FILIP1: variants seen among roughly 807,000 people sequenced by gnomAD.
The protein encoded by FILIP1 is filamin A interacting protein 1, also known as filamin-A-interacting protein 1.
Under a neutral mutation model 102.1 loss-of-function variants are expected in FILIP1, and 61 were observed. The observed-to-expected ratio is 0.60, with a 90% CI of 0.49 to 0.74. The LOEUF is 0.74. Ranked by LOEUF, FILIP1 falls within the 30% of genes least tolerant of loss-of-function variation. The pLI is 0.00. For missense variants in FILIP1, 1,314 were observed against 1,441.2 expected (o/e 0.91, Z 1.43); for synonymous variants, 491 against 526.9 (o/e 0.93, Z 0.93).
chr6:75,320,419 A>C (rs1773611008), intron 4 of FILIP1, among the ~76,000 whole-genome samples: 1 of 151,976 alleles, frequency 6.6e-6, no homozygotes, highest in Admixed American at 6.6e-5. Context: ...CAAAGCAAAA[A>C]AACAAAAATT....
At chr6:75,381,211 G>T (rs1775895793) in intron 2 of FILIP1, among the ~76,000 whole-genome samples, 1 of 151,658 alleles carries the variant, frequency 6.6e-6, no homozygotes, top group Non-Finnish European at 1.5e-5. Context: ...TATCAGACTG[G>T]TTTTACTTTG....
intron 2 of FILIP1, among the ~76,000 whole-genome samples, chr6:75,411,159 G>A (rs1777054605): frequency 6.6e-6 from 1 of 152,142 alleles, no homozygotes; most frequent in African/African-American, 2.4e-5. Flanking sequence ...ATTTGCATTT[G>A]TCAAATGACC....
Position 75,314,330 on chromosome 6 carries a change from A to C in FILIP1, c.1502T>G (p.Leu501Trp). 3 of 1,520,760 alleles carry C rather than the reference A, an allele frequency of 2.0e-6. No homozygotes were observed. Among genetic ancestry groups the C allele is most frequent in the Non-Finnish European group, 2.6e-6 (3 of 1,144,218 alleles). 94.2% of individuals were successfully genotyped at this position (1,520,760 alleles called of 1,614,324 possible). ...ELSLKDDLTK[L>W]KSFTVMLVDE... is the part of the protein sequence containing the mutation. ...AACCAGCATCACGGTAAATGACTTC[A>C]ACTTGGTAAGATCATCTTTTAGGCT... is the stretch of plus-strand genomic sequence containing the variant. The change falls in exon 5 of 6, where the codon TTG (leucine) becomes TGG (tryptophan). Residue 501 changes from leucine to tryptophan, a missense_variant. Transcript: ENST00000237172.
At chr6:75,342,332 A>G (rs566598534) in intron 4 of FILIP1, among the ~76,000 whole-genome samples, 16 of 152,256 alleles carry the variant, frequency 1.1e-4, no homozygotes, top group Non-Finnish European at 2.1e-4. Context: ...GAAATGCCTC[A>G]ATACTGCATT....
At chr6:75,456,283 A>G (rs1177517097) in intron 1 of FILIP1, among the ~76,000 whole-genome samples, 2 of 152,222 alleles carry the variant, frequency 1.3e-5, no homozygotes, top group Non-Finnish European at 2.9e-5. Flanking sequence ...CACCCCAACA[A>G]CAAAGATTTA....
Position 75,313,527 on chromosome 6 carries a change from C to A in FILIP1, c.2305G>T (p.Val769Phe). ...TCCAACTCTTTGGTCAGATTGAGAA[C>A]CTCCTGCCCCATGTTTTTGTTCTTA... ...ENKNKNMGQE[V>F]LNLTKELELS... The change falls in exon 5 of 6, where the codon GTT becomes TTT. Residue 769 changes from valine (V) to phenylalanine (F), a missense_variant. Coordinates refer to ENST00000237172, the MANE Select transcript of FILIP1 (RefSeq NM_015687.5). The surrounding 1 kb of genome is among the most constrained non-coding windows in gnomAD (Gnocchi z 4.2). 1.2e-6 allele frequency: 2 copies of A among 1,614,216 alleles called. No individual in the cohort carries two copies. Among genetic ancestry groups the A allele is most frequent in the Middle Eastern group, 1.7e-4 (1 of 6,060 alleles).
chr6:75,462,529 G>C (rs966225946), intron 1 of FILIP1, among the ~76,000 whole-genome samples: 4 of 151,898 alleles, frequency 2.6e-5, no homozygotes, highest in African/African-American at 9.7e-5. Context: ...AAAAATAATT[G>C]CAAATAAGGT....
At chr6:75,315,399 G>A (rs757888492) in intron 4 of FILIP1, among the ~76,000 whole-genome samples, 197 bp from the exon 5 acceptor site, 7 of 152,156 alleles carry the variant, frequency 4.6e-5, no homozygotes, top group Non-Finnish European at 8.8e-5. Flanking sequence ...TGGCTAGAAG[G>A]GGGCATGAGG....
intron 2 of FILIP1, among the ~76,000 whole-genome samples, chr6:75,402,154 C>G (rs888533375): frequency 6.6e-6 from 1 of 152,088 alleles, no homozygotes; most frequent in Non-Finnish European, 1.5e-5. Flanking sequence ...AACACCAATG[C>G]GGACATTATT....
intron 4 of FILIP1, among the ~76,000 whole-genome samples, chr6:75,350,027 GGCAA>G (rs1316522812): frequency 1.3e-5 from 2 of 152,016 alleles, no homozygotes; most frequent in Non-Finnish European, 2.9e-5. Flanking sequence ...CCGGGAACTC[GGCAA>G]GCAAGTCACG....
intron 1 of FILIP1, among the ~76,000 whole-genome samples, chr6:75,464,611 C>A (rs1779112572): frequency 6.6e-6 from 1 of 152,192 alleles, no homozygotes. Flanking sequence ...TGTACAAAGA[C>A]TTTGGTTCAT....
Position 75,359,610 on chromosome 6 carries a change from G to C in FILIP1, c.450+3134C>G, listed in dbSNP as rs575319899. Among the ~76,000 whole-genome samples, 386 of 152,310 alleles carry C rather than the reference G, an allele frequency of 2.5e-3. 11 individuals carry two copies. Among genetic ancestry groups the C allele is most frequent in the Non-Finnish European group, 5.0e-4 (34 of 68,024 alleles). On this transcript the variant is annotated intron_variant, in intron 3 of 5. Transcript: ENST00000237172. ...GGAAGGCAATATTAGAAAAACAAAT[G>C]TCTGGGAGCACTTGAAGAAAATGAC...
intron 1 of FILIP1, among the ~76,000 whole-genome samples, chr6:75,440,153 A>C (rs187246456): frequency 3.9e-5 from 6 of 152,350 alleles, no homozygotes; most frequent in Admixed American, 6.5e-5. Context: ...CTTCATTTTG[A>C]AAATCCATCA....
chr6:75,463,788 C>T (rs1392557987), intron 1 of FILIP1, among the ~76,000 whole-genome samples: 1 of 152,140 alleles, frequency 6.6e-6, no homozygotes, highest in African/African-American at 2.4e-5. Context: ...AGCTCAGAGT[C>T]AGTGAACTTT....
chr6:75,463,503 C>G (rs1033794976), intron 1 of FILIP1, among the ~76,000 whole-genome samples: 7 of 152,148 alleles, frequency 4.6e-5, no homozygotes, highest in Non-Finnish European at 4.4e-5. Context: ...ATTAAGAAAG[C>G]AAATCAGCTG....
rs554060815 is a variant in FILIP1, at chr6:75,414,787, A to G, written c.186T>C (p.Ser62=). 8.1e-6 allele frequency: 13 copies of G among 1,613,780 alleles called. No individual in the cohort carries two copies. Among genetic ancestry groups the G allele is most frequent in the South Asian group, 3.3e-5 (3 of 91,072 alleles). ...SGTVKRHLKT[S]GECERKTKKS... is the part of the protein sequence containing the mutation. Reference sequence around the variant, plus strand: ...TCTTAGTTTTTCGTTCACATTCTCCAGATGTTTTTAGGTGTCGTTTGACAG... The same window carrying G: ...TCTTAGTTTTTCGTTCACATTCTCCGGATGTTTTTAGGTGTCGTTTGACAG... Residue 62 remains serine (S), a synonymous_variant, in exon 2 of 6, where the codon TCT becomes TCC. Coordinates refer to ENST00000237172, the MANE Select transcript of FILIP1 (RefSeq NM_015687.5).
chr6:75,313,718 T>C lies in FILIP1; in HGVS notation c.2114A>G (p.Glu705Gly), dbSNP rs1208829177. The C allele has an allele frequency of 3.2e-6, 5 of 1,565,836 alleles. No individual in the cohort carries two copies. Among genetic ancestry groups the C allele is most frequent in the African/African-American group, 1.4e-5 (1 of 72,952 alleles). ...EKGEVVSQEA[E>G]LRHRFRLEEA... ...TTCCAACCGAAATCTGTGTCTCAGT[T>C]CAGCTTCCTGGCTCACAACCTCACC... The change falls in exon 5 of 6, where the codon GAA becomes GGA. Residue 705 changes from glutamate (E) to glycine (G), a missense_variant. Transcript: ENST00000237172. This position sits in a 1 kb window ranked among gnomAD's most constrained non-coding sequence, Gnocchi z 4.2.
At chr6:75,483,403 C>A (rs1562664143) in intron 1 of FILIP1, among the ~76,000 whole-genome samples, 1 of 152,046 alleles carries the variant, frequency 6.6e-6, no homozygotes, top group African/African-American at 2.4e-5. Flanking sequence ...AATGGGGAAC[C>A]CAGCCAAACT....
rs1777578978 is a variant in FILIP1 at position 75,424,832 on chromosome 6, C to T, written c.-6-9854G>A. Among the ~76,000 whole-genome samples, 14 of 152,258 alleles carry T rather than the reference C, an allele frequency of 9.2e-5. No homozygotes were observed. In the South Asian group the frequency reaches 2.9e-3, roughly 32 times the overall value. On this transcript the variant is annotated intron_variant, in intron 1 of 5. Transcript: ENST00000237172. ...GCTGACAAAGAAAAAAAATTAAATA[C>T]AGCACAGATCACCCCATCTGTGTGC...
Sources: allele counts gnomAD v4.1 joint callset (sites outside exome capture counted in the v4.1 genomes callset), GRCh38; gene constraint gnomAD v4.1.1; non-coding constraint Gnocchi (gnomAD v3.1); transcripts MANE v1.5; gene names NCBI Gene and HGNC (gene_info 2026-07-23, HGNC 2026-07-21).